Variants in CDH18 observed in about 807,000 individuals in gnomAD.
The protein encoded by CDH18 is cadherin 18.
CDH18 carries 31 observed loss-of-function variants against 67.9 expected under a neutral mutation model. The ratio of observed to expected loss-of-function variants is 0.46; its 90% CI spans 0.34 to 0.62. The LOEUF (loss-of-function observed/expected upper bound fraction) is 0.62, where lower values mean the gene tolerates loss of function less well. CDH18 is among the 20% of genes least tolerant of loss of function. The pLI is 0.01. For missense variants in CDH18, 890 were observed against 975.5 expected (o/e 0.91, Z 1.17); for synonymous variants, 362 against 347.2 (o/e 1.04, Z -0.48).
At chr5:19,872,574 A>C (rs1004600442) in intron 2 of CDH18, among the ~76,000 whole-genome samples, 4 of 152,134 alleles carry the variant, frequency 2.6e-5, no homozygotes, top group African/African-American at 9.7e-5. Context: ...GCCAGAAAAA[A>C]TGAATTCTAT....
intron 3 of CDH18, among the ~76,000 whole-genome samples, chr5:19,755,586 T>G (rs902252407): frequency 3.4e-5 from 5 of 145,750 alleles, no homozygotes; most frequent in Non-Finnish European, 7.5e-5. Flanking sequence ...ATATATATAA[T>G]ATAAGATATA....
In CDH18 at chr5:20,427,367, TA is replaced by T. The variant is rs1161631499; in HGVS notation, c.-580+148094del. ...TTGAAGACAGCCAGGGCTAATAGAATAAACATCACATATTATCTTAAAAGGC... is the reference window on the plus strand; with the variant it reads ...TTGAAGACAGCCAGGGCTAATAGAATAACATCACATATTATCTTAAAAGGC... On this transcript the variant is annotated intron_variant, in intron 1 of 14. Coordinates refer to the CDH18 transcript ENST00000507958. 6.6e-5 allele frequency among the ~76,000 whole-genome samples: 10 copies of T among 151,374 alleles called. 1 individual carries two copies. The highest frequency in any genetic ancestry group is 2.1e-4 in the South Asian group (1 of 4,832).
intron 1 of CDH18, among the ~76,000 whole-genome samples, chr5:20,400,902 A>C (rs1280774081): frequency 6.6e-6 from 1 of 152,238 alleles, no homozygotes; most frequent in Non-Finnish European, 1.5e-5. Flanking sequence ...CCTTGCACTG[A>C]AATTCAGAAA....
chr5:19,869,207 A>G lies in CDH18; in HGVS notation c.-256-29965T>C, dbSNP rs1405757801. Among the ~76,000 whole-genome samples the G allele has an allele frequency of 2.6e-5, 4 of 152,302 alleles. No individual in the cohort carries two copies. In the East Asian group the frequency reaches 5.8e-4, roughly 22 times the overall value. ...AGCACATGCATTAAAACTCAGCATT[A>G]TCATCCTATGTTTAAGGAGTAAACA... On this transcript the variant is annotated intron_variant, in intron 2 of 12. Transcript: ENST00000382275.
chr5:19,789,508 C>T (rs1277056906), intron 3 of CDH18, among the ~76,000 whole-genome samples: 1 of 151,916 alleles, frequency 6.6e-6, no homozygotes, highest in African/African-American at 2.4e-5. Flanking sequence ...GTCAAGGAAA[C>T]AGAAAAATAA....
Position 19,928,020 on chromosome 5 carries a change from C to G in CDH18, c.-257+53040G>C, listed in dbSNP as rs368591933. On this transcript the variant is annotated intron_variant, in intron 2 of 12. Transcript: ENST00000382275. Reference sequence around the variant, plus strand: ...ATTTGAGGTAATCTATTAGTTTACACAACTTGCTCTTTGGTCATGCAGAGC... The same window carrying G: ...ATTTGAGGTAATCTATTAGTTTACAGAACTTGCTCTTTGGTCATGCAGAGC... Among the ~76,000 whole-genome samples, 103 of 152,242 alleles carry G rather than the reference C, an allele frequency of 6.8e-4. No individual in the cohort carries two copies. The South Asian group carries it at 0.019, about 28-fold the overall frequency.
intron 1 of CDH18, among the ~76,000 whole-genome samples, chr5:20,443,855 A>G (rs1749811130): frequency 6.6e-6 from 1 of 151,904 alleles, no homozygotes; most frequent in Non-Finnish European, 1.5e-5. Flanking sequence ...TACCTACATG[A>G]ACTATATGAC....
intron 1 of CDH18, among the ~76,000 whole-genome samples, chr5:20,292,945 A>G (rs1747213791): frequency 6.6e-6 from 1 of 152,200 alleles, no homozygotes; most frequent in Admixed American, 6.5e-5. Flanking sequence ...ATTCACAGGT[A>G]CTAGGGGTTA....
intron 3 of CDH18, among the ~76,000 whole-genome samples, chr5:19,790,270 G>A (rs1489214937): frequency 1.3e-5 from 2 of 152,024 alleles, no homozygotes; most frequent in African/African-American, 4.8e-5. Context: ...ACAAACAATG[G>A]AGACAAGGAT....
At chr5:20,510,844 G>T (rs1308866744) in intron 1 of CDH18, among the ~76,000 whole-genome samples, 1 of 152,152 alleles carries the variant, frequency 6.6e-6, no homozygotes, top group Non-Finnish European at 1.5e-5. Flanking sequence ...ATTAGAATAT[G>T]CAGATGACCC....
chr5:20,326,555 T>C (rs80195133), intron 1 of CDH18, among the ~76,000 whole-genome samples: 1 of 150,640 alleles, frequency 6.6e-6, no homozygotes, highest in South Asian at 2.1e-4. Flanking sequence ...TTTTTTTTTT[T>C]TGAGATGGAG....
intron 2 of CDH18, among the ~76,000 whole-genome samples, chr5:20,107,495 A>G (rs1747064392): frequency 6.6e-6 from 1 of 152,160 alleles, no homozygotes; most frequent in Non-Finnish European, 1.5e-5. Flanking sequence ...ATTTATCTAT[A>G]TTCTTTATCC....
intron 2 of CDH18, among the ~76,000 whole-genome samples, chr5:19,942,138 A>G (rs987196893): frequency 4.6e-5 from 7 of 152,162 alleles, no homozygotes; most frequent in Admixed American, 4.6e-4. Context: ...CCAGGGATCA[A>G]GATTATGAAG....
At chr5:20,475,188 A>G (rs1752352912) in intron 1 of CDH18, among the ~76,000 whole-genome samples, 1 of 152,182 alleles carries the variant, frequency 6.6e-6, no homozygotes, top group Admixed American at 6.5e-5. Context: ...GATAATAAAA[A>G]TGTGTCTCAA....
At chr5:20,323,733 T>C (rs1464349967) in intron 1 of CDH18, among the ~76,000 whole-genome samples, 2 of 152,228 alleles carry the variant, frequency 1.3e-5, no homozygotes, top group Non-Finnish European at 2.9e-5. Context: ...GTGTGATGCA[T>C]TTTGTTCTCT....
At chr5:20,304,874 A>G in intron 1 of CDH18, 2 of 1,611,948 alleles carry the variant, frequency 1.2e-6, no homozygotes, top group Non-Finnish European at 1.7e-6. Context: ...TTTGCTAAAT[A>G]TTTCTCATAG....
chr5:20,272,858 T>C (rs961028921), intron 1 of CDH18, among the ~76,000 whole-genome samples: 1 of 152,064 alleles, frequency 6.6e-6, no homozygotes, highest in East Asian at 1.9e-4. Context: ...ACCACTATTA[T>C]TCTCCATCAA....
At chr5:20,451,565 G>T (rs992042848) in intron 1 of CDH18, among the ~76,000 whole-genome samples, 1 of 152,116 alleles carries the variant, frequency 6.6e-6, no homozygotes, top group Non-Finnish European at 1.5e-5. Flanking sequence ...TATTAATCAA[G>T]AAATGTTTAA....
chr5:19,829,297 C>T (rs188299407), intron 3 of CDH18, among the ~76,000 whole-genome samples: 21 of 152,174 alleles, frequency 1.4e-4, no homozygotes, highest in African/African-American at 5.1e-4. Flanking sequence ...TGATATAATC[C>T]TATACCTAGA....
Sources: gnomAD v4.1 joint callset for allele counts (sites outside exome capture counted in the v4.1 genomes callset) on GRCh38, gnomAD v4.1.1 for gene constraint, MANE v1.5 for transcripts, NCBI Gene and HGNC (gene_info 2026-07-23, HGNC 2026-07-21) for gene names.